The following FDX1 variants were observed in gnomAD, a reference collection of about 807,000 sequenced individuals.
FDX1 encodes the protein ferredoxin 1, also known as adrenodoxin, mitochondrial.
FDX1 carries 9 observed loss-of-function variants against 14.9 expected under a neutral mutation model. The ratio of observed to expected loss-of-function variants is 0.60; its 90% CI spans 0.36 to 1.05. The LOEUF is 1.05. FDX1 is among the 50% of genes least tolerant of loss of function. The pLI is 0.01. For missense variants in FDX1, 204 were observed against 237.2 expected (o/e 0.86, Z 0.92); for synonymous variants, 92 against 99.4 (o/e 0.93, Z 0.44).
At chr11:110,429,946 G>A, upstream of FDX1, 1 of 370,514 alleles carries the variant, frequency 2.7e-6, no homozygotes, top group Non-Finnish European at 4.7e-6. Flanking sequence ...CACCCGGAAG[G>A]CACGCGGAAC....
chr11:110,440,966 G>A (rs1225689534), intron 2 of FDX1, among the ~76,000 whole-genome samples: 1 of 152,194 alleles, frequency 6.6e-6, no homozygotes, highest in Non-Finnish European at 1.5e-5. Context: ...CCAGTGGGAG[G>A]TAATTGAATC....
upstream of FDX1, chr11:110,429,911 T>C (rs1487312530): frequency 2.9e-6 from 1 of 341,440 alleles, no homozygotes; most frequent in South Asian, 1.5e-4. Context: ...GGGGCCGCGC[T>C]CTGCTTGCCA....
intron 1 of FDX1, among the ~76,000 whole-genome samples, chr11:110,434,320 C>G (rs947680292): frequency 3.2e-4 from 48 of 147,806 alleles, no homozygotes; most frequent in African/African-American, 8.9e-4. Context: ...ACTGGAAAAG[C>G]AATCGCCCTA....
At chr11:110,439,291 T>C (rs897117247) in intron 2 of FDX1, among the ~76,000 whole-genome samples, 2 of 152,130 alleles carry the variant, frequency 1.3e-5, no homozygotes, top group Non-Finnish European at 2.9e-5. Flanking sequence ...CACTGCACCC[T>C]TCACCTCCTG....
At chr11:110,458,935 ATTGT>A (rs1565385617) in intron 3 of FDX1, among the ~76,000 whole-genome samples, 2 of 151,994 alleles carry the variant, frequency 1.3e-5, no homozygotes, top group Non-Finnish European at 2.9e-5. Context: ...CTTAACCTTG[ATTGT>A]TGATGGATGG....
intron 2 of FDX1, among the ~76,000 whole-genome samples, chr11:110,447,007 T>C (rs1946454127): frequency 6.6e-6 from 1 of 151,930 alleles, no homozygotes; most frequent in Non-Finnish European, 1.5e-5. Flanking sequence ...AAAACCCGTC[T>C]CTACTAAAAA....
chr11:110,432,125 C>T (rs1365519402), intron 1 of FDX1, among the ~76,000 whole-genome samples: 1 of 152,164 alleles, frequency 6.6e-6, no homozygotes, highest in East Asian at 1.9e-4. Flanking sequence ...ACAGACAGAG[C>T]AGTTCTAGAA....
intron 1 of FDX1, among the ~76,000 whole-genome samples, chr11:110,434,017 G>A (rs1433007322): frequency 6.6e-6 from 1 of 152,080 alleles, no homozygotes; most frequent in Non-Finnish European, 1.5e-5. Context: ...TCAAGTGTGA[G>A]GTAAAAATTA....
Position 110,464,136 on chromosome 11 carries a change from C to G in FDX1, c.*1668C>G, listed in dbSNP as rs973834622. 1.2e-4 allele frequency: 19 copies of G among 152,174 alleles called. No homozygotes were observed. The highest frequency in any genetic ancestry group is 4.6e-4 in the African/African-American group (19 of 41,510). The allele number at this position is 152,174 out of a possible 1,614,324, so 9.4% of individuals were successfully genotyped here. A position where few individuals can be genotyped will look rare whatever the true frequency, so the allele number is the denominator to read the frequency against. On this transcript the variant is annotated 3_prime_UTR_variant, in exon 4 of 4. Coordinates refer to ENST00000260270, the MANE Select transcript of FDX1 (RefSeq NM_004109.5). ...CCACGTTGCCCAGGCTGGTCTTGAA[C>G]TTTTGAGCTCGAGTGATCCACCCAC...
chr11:110,440,457 C>G (rs1946398261), intron 2 of FDX1, among the ~76,000 whole-genome samples: 1 of 152,138 alleles, frequency 6.6e-6, no homozygotes, highest in South Asian at 2.1e-4. Context: ...GTATCTGTGT[C>G]TCTGCTTTTA....
At chr11:110,444,627 A>AAT (rs1411818579) in intron 2 of FDX1, among the ~76,000 whole-genome samples, 1 of 115,822 alleles carries the variant, frequency 8.6e-6, no homozygotes, top group African/African-American at 3.6e-5. Context: ...AAAAAAAGAA[A>AAT]ATATATGTGT....
At chr11:110,444,659 TATATAC>T (rs1946428121) in intron 2 of FDX1, among the ~76,000 whole-genome samples, 1 of 78,130 alleles carries the variant, frequency 1.3e-5, no homozygotes, top group African/African-American at 6.6e-5. Flanking sequence ...TGTATATATA[TATATAC>T]GTATATATAT....
At chr11:110,431,101 TAGCAGCAGC>T (rs35673502) in intron 1 of FDX1, among the ~76,000 whole-genome samples, 22,215 of 151,172 alleles carry the variant, frequency 0.15, 1,712 homozygotes, top group East Asian at 0.26. Context: ...TGCCACTTGG[TAGCAGCAGC>T]AGCAGCAGCA....
intron 2 of FDX1, among the ~76,000 whole-genome samples, chr11:110,449,756 T>G (rs1453790409): frequency 6.6e-6 from 1 of 152,186 alleles, no homozygotes; most frequent in Non-Finnish European, 1.5e-5. Flanking sequence ...GCCTTCCTAA[T>G]AGCTGGGATT....
intron 2 of FDX1, among the ~76,000 whole-genome samples, chr11:110,438,709 T>C (rs10891106): frequency 0.51 from 77,172 of 152,078 alleles, 20,618 homozygotes; most frequent in African/African-American, 0.67. Flanking sequence ...TCAAGTGATC[T>C]GCCTACTTCG....
At chr11:110,458,354 A>G (rs1028565917) in intron 3 of FDX1, among the ~76,000 whole-genome samples, 1 of 152,194 alleles carries the variant, frequency 6.6e-6, no homozygotes, top group Non-Finnish European at 1.5e-5. Context: ...TATAGCTGGT[A>G]TTCTTAAGTA....
At chr11:110,456,247 T>C (rs1472491685) in intron 2 of FDX1, among the ~76,000 whole-genome samples, 4 of 152,234 alleles carry the variant, frequency 2.6e-5, no homozygotes, top group Non-Finnish European at 5.9e-5. Flanking sequence ...CTTTCATCGC[T>C]ATTATGTCAG....
chr11:110,437,092 C>T (rs1946374988), intron 2 of FDX1, among the ~76,000 whole-genome samples: 1 of 152,174 alleles, frequency 6.6e-6, no homozygotes, highest in Non-Finnish European at 1.5e-5. Context: ...ACCTCCTGGA[C>T]TCAAGTGATC....
At chr11:110,444,422 C>T (rs1946424747) in intron 2 of FDX1, among the ~76,000 whole-genome samples, 1 of 151,480 alleles carries the variant, frequency 6.6e-6, no homozygotes, top group African/African-American at 2.4e-5. Flanking sequence ...TTGAGACTAG[C>T]CTGGCCAACA....
Sources: gnomAD v4.1 joint callset for allele counts (sites outside exome capture counted in the v4.1 genomes callset) on GRCh38, gnomAD v4.1.1 for gene constraint, MANE v1.5 for transcripts, NCBI Gene and HGNC (gene_info 2026-07-23, HGNC 2026-07-21) for gene names.